Variants in GMDS observed in about 807,000 individuals in gnomAD.
The protein encoded by GMDS is GDP-mannose 4,6-dehydratase.
A neutral mutation model predicts 49.9 loss-of-function variants in GMDS; 20 were observed. The observed-to-expected ratio is 0.40, with a 90% CI of 0.28 to 0.58. GMDS has a LOEUF of 0.58. GMDS is among the 20% of genes least tolerant of loss of function. The pLI, the probability that GMDS is intolerant of heterozygous loss-of-function variation, is 0.42. For missense variants in GMDS, 362 were observed against 481.4 expected (o/e 0.75, Z 2.32); for synonymous variants, 177 against 178.6 (o/e 0.99, Z 0.07).
intron 7 of GMDS, among the ~76,000 whole-genome samples, chr6:1,774,664 T>C (rs1326844111): frequency 6.6e-6 from 1 of 152,214 alleles, no homozygotes; most frequent in Admixed American, 6.5e-5. Context: ...TACAGTCACA[T>C]TGAAAACATA....
intron 9 of GMDS, among the ~76,000 whole-genome samples, chr6:1,698,644 G>A (rs1336949268): frequency 6.6e-6 from 1 of 152,230 alleles, no homozygotes; most frequent in Non-Finnish European, 1.5e-5. Context: ...AGGTGGAGAC[G>A]CTTCTCAGAG....
At chr6:1,805,630 G>A (rs1331756858) in intron 7 of GMDS, among the ~76,000 whole-genome samples, 1 of 152,176 alleles carries the variant, frequency 6.6e-6, no homozygotes, top group East Asian at 1.9e-4. Context: ...TGTTAATGCA[G>A]ACATTAATGA....
chr6:2,197,133 C>T (rs149557841), intron 1 of GMDS, among the ~76,000 whole-genome samples: 2 of 152,346 alleles, frequency 1.3e-5, no homozygotes, highest in African/African-American at 4.8e-5. Flanking sequence ...TAAATAATGT[C>T]ATTAGCAAAC....
At chr6:2,052,772 G>A (rs1159538047) in intron 4 of GMDS, among the ~76,000 whole-genome samples, 1 of 152,144 alleles carries the variant, frequency 6.6e-6, no homozygotes, top group Admixed American at 6.5e-5. Flanking sequence ...ATACCATCAT[G>A]GGGAAAAAAT....
At chr6:2,092,093 G>T (rs1031271784) in intron 4 of GMDS, among the ~76,000 whole-genome samples, 3 of 152,126 alleles carry the variant, frequency 2.0e-5, no homozygotes, top group Non-Finnish European at 2.9e-5. Context: ...CCCAAGGAAA[G>T]AAATTAGAAA....
intron 1 of GMDS, among the ~76,000 whole-genome samples, chr6:2,165,179 G>T (rs1051011519): frequency 1.3e-5 from 2 of 152,142 alleles, no homozygotes; most frequent in Non-Finnish European, 2.9e-5. Flanking sequence ...ACCACTCCCA[G>T]TACCAAAATC....
chr6:1,788,284 A>G (rs1012035071), intron 7 of GMDS, among the ~76,000 whole-genome samples: 1 of 152,190 alleles, frequency 6.6e-6, no homozygotes, highest in African/African-American at 2.4e-5. Flanking sequence ...TGCACAGGTA[A>G]AGGATGTCTT....
intron 9 of GMDS, among the ~76,000 whole-genome samples, chr6:1,626,707 T>G (rs921023205): frequency 1.3e-5 from 2 of 152,218 alleles, no homozygotes; most frequent in Non-Finnish European, 2.9e-5. Context: ...TGTGAACTCA[T>G]AGTCAGCAAA....
At chr6:1,743,552 A>G (rs1767367170) in intron 7 of GMDS, among the ~76,000 whole-genome samples, 1 of 151,880 alleles carries the variant, frequency 6.6e-6, no homozygotes, top group Non-Finnish European at 1.5e-5. Flanking sequence ...CAAAAAAAAA[A>G]AAAAAAAATG....
In GMDS at chr6:1,726,506, T is replaced by G; in HGVS notation, c.897A>C (p.Glu299Asp). Residue 299 changes from glutamate (E) to aspartate (D), a missense_variant, in exon 9 of 11, where the codon GAA (glutamate) becomes GAC (aspartate). Coordinates refer to ENST00000380815, the MANE Select transcript of GMDS (RefSeq NM_001500.4). ...TGCCCACTTCATTTTCATTCTTTCC[T>G]TCCCACCTGTAAGGAAGATAAACAC... ...FLHIGKTIVW[E>D]GKNENEVGRC... 2.5e-6 allele frequency: 4 copies of G among 1,608,382 alleles called. No individual in the cohort carries two copies. The highest frequency in any genetic ancestry group is 3.4e-6 in the Non-Finnish European group (4 of 1,174,686).
At chr6:1,815,796 G>A (rs1433382981) in intron 7 of GMDS, among the ~76,000 whole-genome samples, 1 of 152,186 alleles carries the variant, frequency 6.6e-6, no homozygotes, top group East Asian at 1.9e-4. Context: ...AGAGCGTGCT[G>A]TCGTTAGCTC....
chr6:2,071,689 A>C (rs1772011684), intron 4 of GMDS, among the ~76,000 whole-genome samples: 1 of 151,990 alleles, frequency 6.6e-6, no homozygotes, highest in African/African-American at 2.4e-5. Flanking sequence ...ACATTTAAAA[A>C]AAAAAAAAAA....
chr6:1,696,494 A>G (rs1581471370), intron 9 of GMDS, among the ~76,000 whole-genome samples: 1 of 152,234 alleles, frequency 6.6e-6, no homozygotes, highest in East Asian at 1.9e-4. Context: ...TGATGTGCCA[A>G]ACCTCTCTTT....
chr6:1,699,374 G>A (rs557855568), intron 9 of GMDS, among the ~76,000 whole-genome samples: 1 of 152,264 alleles, frequency 6.6e-6, no homozygotes, highest in South Asian at 2.1e-4. Context: ...GTCTCCAGGA[G>A]GGCCTAACTG....
intron 7 of GMDS, among the ~76,000 whole-genome samples, chr6:1,876,747 T>A (rs1759088189): frequency 6.6e-6 from 1 of 152,254 alleles, no homozygotes; most frequent in African/African-American, 2.4e-5. Context: ...TGTTTGTTAG[T>A]TCAACGAACT....
intron 9 of GMDS, among the ~76,000 whole-genome samples, chr6:1,661,430 C>G (rs929997042): frequency 1.3e-5 from 2 of 152,194 alleles, no homozygotes; most frequent in Non-Finnish European, 2.9e-5. Flanking sequence ...GACGACACCC[C>G]TGTGATGTCG....
At chr6:1,872,325 A>G (rs1302784779) in intron 7 of GMDS, among the ~76,000 whole-genome samples, 1 of 152,218 alleles carries the variant, frequency 6.6e-6, no homozygotes, top group African/African-American at 2.4e-5. Context: ...AGTACTTATA[A>G]TTTCTATTCT....
At chr6:1,843,602 T>C (rs1757244489) in intron 7 of GMDS, among the ~76,000 whole-genome samples, 2 of 152,098 alleles carry the variant, frequency 1.3e-5, no homozygotes, top group Admixed American at 6.6e-5. Context: ...ACCTTATCTC[T>C]ACTGAAAATA....
At position 2,161,638 on chromosome 6, in the gene GMDS, G is replaced by A. The variant is rs116809233; in HGVS notation, c.103-36907C>T. On this transcript the variant is annotated intron_variant, in intron 1 of 10. Transcript: ENST00000380815. ...TAAAGTGCTGACCCAGAGGTGGTGG[G>A]GGAACCCCCAATTCCCCACTGTGAC... Among the ~76,000 whole-genome samples the A allele has an allele frequency of 1.0e-3, 158 of 152,294 alleles. 1 individual carries two copies. The highest frequency in any genetic ancestry group is 3.6e-3 in the African/African-American group (149 of 41,556).
Sources: gnomAD v4.1 joint callset for allele counts (sites outside exome capture counted in the v4.1 genomes callset) on GRCh38, gnomAD v4.1.1 for gene constraint, MANE v1.5 for transcripts, NCBI Gene and HGNC (gene_info 2026-07-23, HGNC 2026-07-21) for gene names.